Variants in ACYP2 observed in about 807,000 individuals in gnomAD.
ACYP2 encodes acylphosphatase 2.
Under a neutral mutation model 11.2 loss-of-function variants are expected in ACYP2, and 12 were observed. That is an observed-to-expected ratio of 1.08 (90% CI 0.69 to 1.74). The LOEUF (loss-of-function observed/expected upper bound fraction) is 1.74. Among genes scored for constraint, ACYP2 ranks in the 40% most tolerant of loss-of-function variants. The pLI is 0.00. For synonymous variants in ACYP2, 43 were observed against 32.2 expected (o/e 1.33, Z -1.13); for missense variants, 134 against 101.9 (o/e 1.31, Z -1.35).
At chr2:53,987,146 T>G (rs1412416862) in intron 2 of ACYP2, among the ~76,000 whole-genome samples, 2 of 152,188 alleles carry the variant, frequency 1.3e-5, no homozygotes, top group East Asian at 3.8e-4. Flanking sequence ...ATTTGTGATA[T>G]GAGAGGTTCA....
At chr2:54,046,917 G>C (rs1034057713) in intron 2 of ACYP2, among the ~76,000 whole-genome samples, 1 of 152,210 alleles carries the variant, frequency 6.6e-6, no homozygotes, top group Non-Finnish European at 1.5e-5. Context: ...TTACCTGGCT[G>C]TATAATCTTG....
At chr2:54,100,182 T>C (rs1678816954) in intron 4 of ACYP2, among the ~76,000 whole-genome samples, 1 of 150,156 alleles carries the variant, frequency 6.7e-6, no homozygotes, top group African/African-American at 2.5e-5. Context: ...GTTTTGACTT[T>C]CCAGATTTAG....
At chr2:54,086,632 C>G (rs1432054288) in intron 4 of ACYP2, among the ~76,000 whole-genome samples, 1 of 152,204 alleles carries the variant, frequency 6.6e-6, no homozygotes, top group Non-Finnish European at 1.5e-5. Context: ...CATCAAGGAG[C>G]TGGAACTAGC....
chr2:54,259,099 G>T (rs1320153919), intron 6 of ACYP2, among the ~76,000 whole-genome samples: 1 of 152,224 alleles, frequency 6.6e-6, no homozygotes, highest in Non-Finnish European at 1.5e-5. Context: ...GAGAAAGAGA[G>T]AAGTCAAGGA....
intron 6 of ACYP2, among the ~76,000 whole-genome samples, chr2:54,147,241 TAAATC>T (rs1000936587): frequency 6.6e-6 from 1 of 151,998 alleles, no homozygotes; most frequent in Admixed American, 6.6e-5. Context: ...TAGTCATACA[TAAATC>T]AAAACAGCCA....
chr2:54,012,105 G>A (rs368276166), intron 2 of ACYP2, among the ~76,000 whole-genome samples: 9 of 151,770 alleles, frequency 5.9e-5, no homozygotes, highest in South Asian at 2.1e-4. Flanking sequence ...GCGTGGTGGC[G>A]TGTGCCTGTA....
At chr2:54,018,511 A>G (rs958580078) in intron 2 of ACYP2, among the ~76,000 whole-genome samples, 38 of 90,586 alleles carry the variant, frequency 4.2e-4, no homozygotes, top group African/African-American at 2.0e-3. Context: ...GGCACAGGTT[A>G]AAAAAAAAAG....
At chr2:53,987,232 C>A (rs895313046) in intron 2 of ACYP2, among the ~76,000 whole-genome samples, 6 of 152,016 alleles carry the variant, frequency 3.9e-5, no homozygotes, top group Non-Finnish European at 8.8e-5. Context: ...CTGGTTATGT[C>A]CTGTTTCTCC....
intron 6 of ACYP2, among the ~76,000 whole-genome samples, chr2:54,242,010 T>C (rs1686750648): frequency 6.6e-6 from 1 of 152,088 alleles, no homozygotes; most frequent in Non-Finnish European, 1.5e-5. Flanking sequence ...CAAGACACTG[T>C]ATCAAAAAAG....
chr2:54,267,168 T>TATA (rs1688072558), intron 6 of ACYP2: 1 of 880,198 alleles, frequency 1.1e-6, no homozygotes, highest in Non-Finnish European at 1.7e-6. Flanking sequence ...GAGCATGTAT[T>TATA]ATTCATGTAT....
rs193036905 is a variant in ACYP2, at chr2:54,274,151, C to A, written c.405-30537C>A. On this transcript the variant is annotated intron_variant, in intron 6 of 6. Transcript: ENST00000607452. ...GAAGCCTCATAATTATGGTGGAAGGCAAGGAGGAGCAGTCACATCTTACAT... is the reference window on the plus strand; with the variant it reads ...GAAGCCTCATAATTATGGTGGAAGGAAAGGAGGAGCAGTCACATCTTACAT... Among the ~76,000 whole-genome samples, 441 of 152,224 alleles carry A rather than the reference C, an allele frequency of 2.9e-3. 2 individuals carry two copies. Among genetic ancestry groups the A allele is most frequent in the African/African-American group, 0.01 (416 of 41,528 alleles).
chr2:53,981,326 T>G (rs561699117), intron 2 of ACYP2, among the ~76,000 whole-genome samples: 1 of 152,272 alleles, frequency 6.6e-6, no homozygotes, highest in South Asian at 2.1e-4. Context: ...GAAAGTACAC[T>G]CCACAGGGTG....
At chr2:54,199,285 T>C (rs1413185032) in intron 6 of ACYP2, among the ~76,000 whole-genome samples, 1 of 152,224 alleles carries the variant, frequency 6.6e-6, no homozygotes, top group African/African-American at 2.4e-5. Context: ...GTGAACACCA[T>C]ACCCACATGG....
chr2:54,168,253 C>T (rs571921062), intron 6 of ACYP2, among the ~76,000 whole-genome samples: 3 of 151,916 alleles, frequency 2.0e-5, no homozygotes, highest in East Asian at 1.9e-4. Flanking sequence ...GGTGAAACCA[C>T]GTCTCTACTA....
At chr2:54,191,884 C>T (rs1684256381) in intron 6 of ACYP2, among the ~76,000 whole-genome samples, 1 of 152,134 alleles carries the variant, frequency 6.6e-6, no homozygotes. Flanking sequence ...CATATGTAGA[C>T]AGGTTTGCCT....
chr2:54,070,919 T>C (rs1410707941), intron 4 of ACYP2, among the ~76,000 whole-genome samples: 1 of 151,890 alleles, frequency 6.6e-6, no homozygotes, highest in African/African-American at 2.4e-5. Context: ...TGTTTGTTTG[T>C]TTGTTTGTTT....
At chr2:54,003,628 T>G (rs890698936) in intron 2 of ACYP2, among the ~76,000 whole-genome samples, 1 of 152,216 alleles carries the variant, frequency 6.6e-6, no homozygotes, top group African/African-American at 2.4e-5. Context: ...TATATATCCA[T>G]TTACCTATTG....
intron 6 of ACYP2, among the ~76,000 whole-genome samples, chr2:54,269,988 ATCCT>A (rs140367464): frequency 0.017 from 2,515 of 152,268 alleles, 64 homozygotes; most frequent in African/African-American, 0.058. Flanking sequence ...TATTATAAAT[ATCCT>A]TCCAAGAATT....
intron 6 of ACYP2, among the ~76,000 whole-genome samples, chr2:54,174,664 T>C (rs958131235): frequency 4.6e-5 from 7 of 152,208 alleles, no homozygotes; most frequent in African/African-American, 7.2e-5. Context: ...TGTGGGTTTG[T>C]TACAAATAGC....
Sources: allele counts gnomAD v4.1 joint callset (sites outside exome capture counted in the v4.1 genomes callset), GRCh38; gene constraint gnomAD v4.1.1; transcripts MANE v1.5; gene names NCBI Gene and HGNC (gene_info 2026-07-23, HGNC 2026-07-21).